Variants in TBCK observed in about 807,000 individuals in gnomAD.
The protein encoded by TBCK is TBC domain-containing protein kinase-like protein.
In TBCK, 99 loss-of-function variants were observed where a neutral mutation model predicts 113.4. That is an observed-to-expected ratio of 0.87 (90% CI 0.74 to 1.03). The LOEUF (loss-of-function observed/expected upper bound fraction) is 1.03, where lower values mean the gene tolerates loss of function less well. Among genes scored for constraint, TBCK ranks in the 50% least tolerant of loss-of-function variants. The pLI is 0.00. For missense variants in TBCK, 1,045 were observed against 1,061.3 expected (o/e 0.98, Z 0.21); for synonymous variants, 369 against 370.8 (o/e 1.00, Z 0.05).
At chr4:106,263,132 T>C (rs1361409063) in intron 3 of TBCK, among the ~76,000 whole-genome samples, 1 of 151,948 alleles carries the variant, frequency 6.6e-6, no homozygotes, top group Non-Finnish European at 1.5e-5. Flanking sequence ...ATTGTTCACA[T>C]AGGAAATTTC....
chr4:106,181,642 TTG>T lies in TBCK; in HGVS notation c.2060-10374_2060-10373del, dbSNP rs1251950235. On this transcript the variant is annotated intron_variant, in intron 22 of 25. Coordinates refer to ENST00000394708, the MANE Select transcript of TBCK (RefSeq NM_001163435.3). Reference sequence around the variant, plus strand: ...AAATAGGGAATCTTTTCCCCATTGCTTGTGTGTGTCAGGTTTGTTAAAGATCA... The same window carrying T: ...AAATAGGGAATCTTTTCCCCATTGCTTGTGTGTCAGGTTTGTTAAAGATCA... 3.9e-5 allele frequency among the ~76,000 whole-genome samples: 6 copies of T among 152,276 alleles called. 1 individual carries two copies. Among genetic ancestry groups the T allele is most frequent in the African/African-American group, 1.4e-4 (6 of 41,558 alleles).
At chr4:106,288,151 T>C (rs927065050) in intron 3 of TBCK, among the ~76,000 whole-genome samples, 3 of 150,644 alleles carry the variant, frequency 2.0e-5, no homozygotes, top group African/African-American at 4.9e-5. Context: ...CCCAGAACTC[T>C]GGGAGGCCGA....
chr4:106,269,348 A>C (rs748278739), intron 3 of TBCK, among the ~76,000 whole-genome samples: 1 of 152,140 alleles, frequency 6.6e-6, no homozygotes, highest in Non-Finnish European at 1.5e-5. Flanking sequence ...TTATAATTCC[A>C]GAATTTGGGG....
chr4:106,208,361 C>T (rs894203443), intron 20 of TBCK, among the ~76,000 whole-genome samples: 1 of 151,862 alleles, frequency 6.6e-6, no homozygotes, highest in African/African-American at 2.4e-5. Context: ...TATACCTACC[C>T]TTCCCTAATT....
intron 3 of TBCK, among the ~76,000 whole-genome samples, chr4:106,277,613 A>G (rs1329112085): frequency 1.3e-5 from 2 of 152,172 alleles, no homozygotes; most frequent in Non-Finnish European, 2.9e-5. Context: ...GAATGACTCC[A>G]ATAATATAAA....
chr4:106,217,318 T>A (rs1266864387), intron 19 of TBCK, among the ~76,000 whole-genome samples: 1 of 152,166 alleles, frequency 6.6e-6, no homozygotes, highest in African/African-American at 2.4e-5. Flanking sequence ...AAGACAGGGA[T>A]GACCTCTCTC....
At chr4:106,103,047 G>C (rs1741731037) in intron 24 of TBCK, among the ~76,000 whole-genome samples, 1 of 151,902 alleles carries the variant, frequency 6.6e-6, no homozygotes, top group African/African-American at 2.4e-5. Context: ...ATTTCAATGG[G>C]CTTTAAAAAA....
At chr4:106,253,174 GT>G (rs1360463208) in intron 5 of TBCK, among the ~76,000 whole-genome samples, 2 of 151,948 alleles carry the variant, frequency 1.3e-5, no homozygotes, top group African/African-American at 4.8e-5. Flanking sequence ...GTTTTACCAT[GT>G]TTGTATCCCT....
intron 25 of TBCK, among the ~76,000 whole-genome samples, chr4:106,073,724 A>G (rs1297756122): frequency 6.6e-6 from 1 of 152,082 alleles, no homozygotes; most frequent in African/African-American, 2.4e-5. Context: ...CCAGAGCTGG[A>G]GTCTACAGAG....
intron 25 of TBCK, among the ~76,000 whole-genome samples, chr4:106,079,952 C>T (rs1738663770): frequency 6.6e-6 from 1 of 152,120 alleles, no homozygotes; most frequent in African/African-American, 2.4e-5. Flanking sequence ...TCTAAGAACT[C>T]ACTATCACAA....
intron 2 of TBCK, among the ~76,000 whole-genome samples, chr4:106,301,434 C>A (rs2125870519): frequency 6.6e-6 from 1 of 152,136 alleles, no homozygotes; most frequent in East Asian, 1.9e-4. Flanking sequence ...TTCAAGCTCA[C>A]AAGAAAAGAT....
Position 106,295,171 on chromosome 4 carries a change from G to C in TBCK, c.194-5C>G, listed in dbSNP as rs766511484. The C allele has an allele frequency of 6.2e-7, 1 of 1,608,548 alleles. No homozygotes were observed. Among genetic ancestry groups the C allele is most frequent in the South Asian group, 1.1e-5 (1 of 90,262 alleles). ...CAGCCACGACCACTAGTCGTTCTGA[G>C]AAAAACAAAGCAAACCCATGTTATA... On this transcript the variant is annotated splice_polypyrimidine_tract_variant and splice_region_variant and intron_variant, in intron 2 of 25. Coordinates refer to ENST00000394708, the MANE Select transcript of TBCK (RefSeq NM_001163435.3).
At chr4:106,136,901 T>C (rs10025668) in intron 23 of TBCK, among the ~76,000 whole-genome samples, 33,561 of 140,258 alleles carry the variant, frequency 0.24, 8,346 homozygotes, top group African/African-American at 0.4. Context: ...GAAAGATAGA[T>C]GTATGAGAGC....
At chr4:106,051,247 G>A (rs1486381578) in intron 25 of TBCK, among the ~76,000 whole-genome samples, 1 of 151,878 alleles carries the variant, frequency 6.6e-6, no homozygotes, top group African/African-American at 2.4e-5. Flanking sequence ...GTAGCAGCAG[G>A]AAACTAAGAA....
intron 25 of TBCK, among the ~76,000 whole-genome samples, chr4:106,074,612 G>A (rs1737945790): frequency 6.6e-6 from 1 of 152,196 alleles, no homozygotes; most frequent in Non-Finnish European, 1.5e-5. Context: ...AAAGATTCAT[G>A]TATTTAGATA....
At chr4:106,293,516 A>C (rs964754431) in intron 3 of TBCK, among the ~76,000 whole-genome samples, 3 of 152,184 alleles carry the variant, frequency 2.0e-5, no homozygotes, top group Non-Finnish European at 4.4e-5. Flanking sequence ...CGCTTGTATC[A>C]TCCCAAAATC....
In TBCK at chr4:106,132,183, C is replaced by A. The variant is rs529920290; in HGVS notation, c.2236-15805G>T. 5.9e-5 allele frequency among the ~76,000 whole-genome samples: 9 copies of A among 152,330 alleles called. No individual in the cohort carries two copies. The South Asian group carries it at 1.9e-3, about 32-fold the overall frequency. On this transcript the variant is annotated intron_variant, in intron 23 of 25. Transcript: ENST00000394708. Reference sequence around the variant, plus strand: ...GACAATGGGGAAAATGTCTCCAGGGCATGTAGGAGACCTTCATGGCAGCCC... The same window carrying A: ...GACAATGGGGAAAATGTCTCCAGGGAATGTAGGAGACCTTCATGGCAGCCC...
intron 25 of TBCK, among the ~76,000 whole-genome samples, chr4:106,077,004 T>G (rs566996671): frequency 2.6e-5 from 4 of 152,146 alleles, no homozygotes; most frequent in African/African-American, 9.6e-5. Context: ...CTTAAGAGAC[T>G]GAGGTGGGAT....
At chr4:106,286,884 A>G (rs1248648178) in intron 3 of TBCK, among the ~76,000 whole-genome samples, 6 of 151,936 alleles carry the variant, frequency 3.9e-5, no homozygotes, top group African/African-American at 1.5e-4. Flanking sequence ...ACCTGTCTCA[A>G]AAAAACAAAA....
Sources: allele counts gnomAD v4.1 joint callset (sites outside exome capture counted in the v4.1 genomes callset), GRCh38; gene constraint gnomAD v4.1.1; transcripts MANE v1.5; gene names NCBI Gene and HGNC (gene_info 2026-07-23, HGNC 2026-07-21).